The following HNMT variants were observed in gnomAD, a reference collection of about 807,000 sequenced individuals.
The protein encoded by HNMT is histamine N-methyltransferase.
In HNMT, 30 loss-of-function variants were observed where a neutral mutation model predicts 32.1. That is an observed-to-expected ratio of 0.93 (90% CI 0.70 to 1.27). The LOEUF is 1.27. Ranked by LOEUF, HNMT falls within the 50% of genes most tolerant of loss-of-function variation. HNMT has a pLI of 0.00. For synonymous variants in HNMT, 125 were observed against 119.0 expected (o/e 1.05, Z -0.33); for missense variants, 327 against 346.0 (o/e 0.95, Z 0.43).
intron 2 of HNMT, chr2:137,988,643 G>C (rs1207339036): frequency 6.6e-6 from 1 of 152,142 alleles, no homozygotes; most frequent in Non-Finnish European, 1.5e-5. Flanking sequence ...GGGAGGCCAA[G>C]GTAGGCAGAT....
Position 138,014,140 on chromosome 2 carries a change from A to T in HNMT, c.*10A>T. On this transcript the variant is annotated 3_prime_UTR_variant, in exon 6 of 6. Transcript: ENST00000280097. ...AGTGATTGAGGCATAACTATCAATC[A>T]CAAAAGTATATTCAAAAATTATATT... is the stretch of plus-strand genomic sequence containing the variant. 2 of 1,425,000 alleles carry T rather than the reference A, an allele frequency of 1.4e-6. No individual in the cohort carries two copies. The highest frequency in any genetic ancestry group is 1.9e-6 in the Non-Finnish European group (2 of 1,040,526). 88.3% of individuals were successfully genotyped at this position (1,425,000 alleles called of 1,614,324 possible).
Position 138,000,989 on chromosome 2 carries a change from G to T in HNMT, c.262G>T (p.Val88Phe). Reference sequence around the variant, plus strand: ...AGGAGTTTGTATCAACAATGAAGTTGTTGAGCCAAGTGCTGAACAAATTGC... The same window carrying T: ...AGGAGTTTGTATCAACAATGAAGTTTTTGAGCCAAGTGCTGAACAAATTGC... ...YPGVCINNEV[V>F]EPSAEQIAKY... The change falls in exon 3 of 6, where the codon GTT becomes TTT. Residue 88 changes from valine to phenylalanine, a missense_variant. By Grantham distance (50) the Val-to-Phe change is conservative. Transcript: ENST00000280097. 1.2e-6 allele frequency: 2 copies of T among 1,608,774 alleles called. No homozygotes were observed. Among genetic ancestry groups the T allele is most frequent in the Non-Finnish European group, 1.7e-6 (2 of 1,177,454 alleles).
At position 137,966,713 on chromosome 2, in the gene HNMT, A is replaced by G. The variant is rs1036108495; in HGVS notation, c.137+2085A>G. 2.0e-5 allele frequency among the ~76,000 whole-genome samples: 3 copies of G among 152,064 alleles called. No homozygotes were observed. The East Asian group carries it at 5.8e-4, about 29-fold the overall frequency. On this transcript the variant is annotated intron_variant, in intron 1 of 5. Transcript: ENST00000280097. ...ATCTCCTCTCAATATATGCAAACAT[A>G]TCAAGGAATCTGTTTATTTTACCCC... is the stretch of plus-strand genomic sequence containing the variant.
chr2:137,967,265 A>T (rs1056105767), intron 1 of HNMT: 1 of 615,204 alleles, frequency 1.6e-6, no homozygotes, highest in Admixed American at 2.8e-5. Flanking sequence ...TGAAAAAGTT[A>T]GCTGAACAAG....
chr2:138,012,434 G>C (rs557258540), intron 5 of HNMT, among the ~76,000 whole-genome samples: 1 of 151,996 alleles, frequency 6.6e-6, no homozygotes, highest in Non-Finnish European at 1.5e-5. Context: ...CTAAACTTGG[G>C]GACAAGATTT....
chr2:137,974,915 C>G (rs1680242898), intron 2 of HNMT, among the ~76,000 whole-genome samples: 1 of 152,100 alleles, frequency 6.6e-6, no homozygotes, highest in African/African-American at 2.4e-5. Context: ...GTCTCCTGTT[C>G]TGCAGCATAT....
chr2:137,977,713 A>T (rs1680327726), intron 2 of HNMT, among the ~76,000 whole-genome samples: 1 of 152,132 alleles, frequency 6.6e-6, no homozygotes, highest in Non-Finnish European at 1.5e-5. Flanking sequence ...TTTCATGTGC[A>T]AAAGGTAAAG....
At chr2:138,000,740 T>C (rs1351664709) in intron 2 of HNMT, among the ~76,000 whole-genome samples, 178 bp from the exon 3 acceptor site, 1 of 152,112 alleles carries the variant, frequency 6.6e-6, no homozygotes, top group Non-Finnish European at 1.5e-5. Flanking sequence ...TGAGTCACAT[T>C]ACTATGCCTA....
chr2:137,971,804 C>T (rs1411721733), intron 2 of HNMT, among the ~76,000 whole-genome samples: 1 of 126,522 alleles, frequency 7.9e-6, no homozygotes, highest in African/African-American at 2.8e-5. Flanking sequence ...CAGTGTTTGC[C>T]TTATTTTTAA....
chr2:138,008,024 C>T (rs1681379925), intron 5 of HNMT, among the ~76,000 whole-genome samples: 1 of 151,898 alleles, frequency 6.6e-6, no homozygotes, highest in Non-Finnish European at 1.5e-5. Flanking sequence ...AGGGGTACAT[C>T]TGAAGGTTTG....
intron 2 of HNMT, among the ~76,000 whole-genome samples, chr2:137,974,095 A>C (rs1680215431): frequency 6.6e-6 from 1 of 151,994 alleles, no homozygotes; most frequent in South Asian, 2.1e-4. Context: ...GTATGAAATA[A>C]ATATTATATG....
intron 5 of HNMT, among the ~76,000 whole-genome samples, chr2:138,007,896 G>A (rs975354933): frequency 3.3e-5 from 5 of 151,640 alleles, no homozygotes; most frequent in African/African-American, 7.3e-5. Context: ...ACACACTTCC[G>A]TTGAACCTGC....
At chr2:138,004,178 T>C (rs932834893) in intron 4 of HNMT, among the ~76,000 whole-genome samples, 4 of 152,114 alleles carry the variant, frequency 2.6e-5, no homozygotes, top group African/African-American at 9.7e-5. Flanking sequence ...GGTCATATCG[T>C]AGATTGTTAG....
At position 138,014,321 on chromosome 2, in the gene HNMT, G is replaced by A. The variant is rs902287453; in HGVS notation, c.*191G>A. On this transcript the variant is annotated 3_prime_UTR_variant, in exon 6 of 6. Coordinates refer to ENST00000280097, the MANE Select transcript of HNMT (RefSeq NM_006895.3). ...TATGGGATACTGCTGGTCTTATCCTGTCCCTCCTCCAGGTAGAGAGACCAC... is the reference window on the plus strand; with the variant it reads ...TATGGGATACTGCTGGTCTTATCCTATCCCTCCTCCAGGTAGAGAGACCAC... 15 of 481,068 alleles carry A rather than the reference G, an allele frequency of 3.1e-5. No individual in the cohort carries two copies. Among genetic ancestry groups the A allele is most frequent in the Middle Eastern group, 1.1e-3 (2 of 1,860 alleles). The allele number at this position is 481,068 out of a possible 1,614,324, so 29.8% of individuals were successfully genotyped here.
chr2:137,973,944 G>A lies in HNMT; in HGVS notation c.190+3727G>A, dbSNP rs190280608. Among the ~76,000 whole-genome samples, 18 of 152,242 alleles carry A rather than the reference G, an allele frequency of 1.2e-4. No homozygotes were observed. In the East Asian group the frequency reaches 2.1e-3, roughly 18 times the overall value. ...TTTTGCAAAGGTGCTTGGCACTTCAGTTTAGATGCGAAGCAATTATTAGGG... is the reference window on the plus strand; with the variant it reads ...TTTTGCAAAGGTGCTTGGCACTTCAATTTAGATGCGAAGCAATTATTAGGG... On this transcript the variant is annotated intron_variant, in intron 2 of 5. Coordinates refer to ENST00000280097, the MANE Select transcript of HNMT (RefSeq NM_006895.3).
chr2:138,015,501 T>C lies in HNMT; in HGVS notation c.*1371T>C, dbSNP rs1030862854. ...AATACACTGGCATAGAGAGCCTATT[T>C]ACACTAATAAACTACCAAGCTTTGT... On this transcript the variant is annotated 3_prime_UTR_variant, in exon 6 of 6. Transcript: ENST00000280097. 6.6e-6 allele frequency: 1 copy of C among 152,192 alleles called. No individual in the cohort carries two copies. The highest frequency in any genetic ancestry group is 1.5e-5 in the Non-Finnish European group (1 of 68,034). The allele number at this position is 152,192 out of a possible 1,614,324, so 9.4% of individuals were successfully genotyped here. A position where few individuals can be genotyped will look rare whatever the true frequency, so the allele number is the denominator to read the frequency against.
intron 2 of HNMT, among the ~76,000 whole-genome samples, chr2:137,986,950 A>G (rs1680668223): frequency 6.6e-6 from 1 of 152,220 alleles, no homozygotes; most frequent in Non-Finnish European, 1.5e-5. Context: ...TTACATCATC[A>G]TCACAAGCAC....
At chr2:137,996,865 C>T (rs906100221) in intron 2 of HNMT, among the ~76,000 whole-genome samples, 1 of 152,070 alleles carries the variant, frequency 6.6e-6, no homozygotes, top group African/African-American at 2.4e-5. Context: ...AGAAATAACA[C>T]CACACACCTA....
At chr2:137,973,337 G>A (rs1435972039) in intron 2 of HNMT, among the ~76,000 whole-genome samples, 1 of 152,070 alleles carries the variant, frequency 6.6e-6, no homozygotes, top group Non-Finnish European at 1.5e-5. Flanking sequence ...CAAGCATCAG[G>A]CAGAACAATG....
Sources: allele counts gnomAD v4.1 joint callset (sites outside exome capture counted in the v4.1 genomes callset), GRCh38; gene constraint gnomAD v4.1.1; transcripts MANE v1.5; gene names NCBI Gene and HGNC (gene_info 2026-07-23, HGNC 2026-07-21).